The following SYTL5 variants were observed in gnomAD, a reference collection of about 807,000 sequenced individuals.
SYTL5 encodes synaptotagmin like 5.
SYTL5 carries 34 observed loss-of-function variants against 55.9 expected under a neutral mutation model. The observed-to-expected ratio is 0.61, with a 90% CI of 0.46 to 0.81. The LOEUF (loss-of-function observed/expected upper bound fraction) is 0.81. Among genes scored for constraint, SYTL5 ranks in the 30% least tolerant of loss-of-function variants. The pLI is 0.00. For missense variants in SYTL5, 637 were observed against 546.7 expected (o/e 1.17, Z -1.65); for synonymous variants, 221 against 188.7 (o/e 1.17, Z -1.40).
the SYTL5 span, among the ~76,000 whole-genome samples, chrX:37,958,618 T>G: frequency 1.8e-5 from 2 of 111,819 alleles, no homozygotes; most frequent in Non-Finnish European, 3.8e-5. Flanking sequence ...AATGTATTAA[T>G]TCCATTCCAG....
rs931849396 is a variant in SYTL5 at position 38,046,198 on chromosome X, A to G, written c.120-8015A>G. On this transcript the variant is annotated intron_variant, in intron 2 of 16. Transcript: ENST00000297875. ...GGAGATTCCACTTTCCTGTCTATAA[A>G]ATGGGAATCATAATGTATTTTTCAT... 8.9e-5 allele frequency among the ~76,000 whole-genome samples: 10 copies of G among 111,851 alleles called. No individual in the cohort carries two copies. In the South Asian group the frequency reaches 1.5e-3, roughly 17 times the overall value.
At chrX:38,109,298 T>C (rs1214897280) in intron 12 of SYTL5, among the ~76,000 whole-genome samples, 3 of 111,723 alleles carry the variant, frequency 2.7e-5, no homozygotes, top group South Asian at 3.8e-4. Context: ...CCCCTTCTCT[T>C]GCTATGGAAC....
the SYTL5 span, among the ~76,000 whole-genome samples, chrX:37,950,546 C>T: frequency 9.0e-6 from 1 of 110,908 alleles, no homozygotes; most frequent in African/African-American, 3.3e-5. Context: ...GTCTTCAGAA[C>T]CTGTACTTGG....
chrX:37,911,622 C>T, the SYTL5 span, among the ~76,000 whole-genome samples: 2 of 111,625 alleles, frequency 1.8e-5, no homozygotes, highest in African/African-American at 6.5e-5. Flanking sequence ...TTTAATCACA[C>T]AATTGTTTCT....
At chrX:38,000,570 G>GTTACAGTGTAA in the SYTL5 span, among the ~76,000 whole-genome samples, 2 of 111,878 alleles carry the variant, frequency 1.8e-5, no homozygotes, top group African/African-American at 6.5e-5. Context: ...GCCTCAGTAG[G>GTTACAGTGTAA]CATGTGTTAC....
At chrX:37,895,417 C>CTTCA in the SYTL5 span, among the ~76,000 whole-genome samples, 1 of 84,008 alleles carries the variant, frequency 1.2e-5, no homozygotes, top group African/African-American at 6.6e-5. Flanking sequence ...CTTTTCCTTC[C>CTTCA]TTCCTTCCTT....
the SYTL5 span, among the ~76,000 whole-genome samples, chrX:37,965,170 C>G: frequency 9.0e-6 from 1 of 111,161 alleles, no homozygotes; most frequent in Non-Finnish European, 1.9e-5. Context: ...TTTCGAGAAA[C>G]CTTTCATCAT....
chrX:37,966,679 G>T, the SYTL5 span, among the ~76,000 whole-genome samples: 3 of 110,680 alleles, frequency 2.7e-5, no homozygotes, highest in East Asian at 5.7e-4. Context: ...CTTGTGATCC[G>T]CCTGCCTTGG....
intron 3 of SYTL5, among the ~76,000 whole-genome samples, chrX:38,062,407 T>A (rs1935978272): frequency 8.9e-6 from 1 of 112,298 alleles, no homozygotes; most frequent in Admixed American, 9.5e-5. Context: ...ATATTTTTAT[T>A]TTTGATTGAT....
the SYTL5 span, among the ~76,000 whole-genome samples, chrX:37,897,261 G>T: frequency 9.2e-6 from 1 of 109,044 alleles, no homozygotes; most frequent in Non-Finnish European, 1.9e-5. Context: ...GAGGTGGGCA[G>T]ATCACAAGGT....
At chrX:37,931,547 G>T in the SYTL5 span, among the ~76,000 whole-genome samples, 5 of 111,208 alleles carry the variant, frequency 4.5e-5, no homozygotes, top group African/African-American at 1.3e-4. Flanking sequence ...TCAGTATCTG[G>T]AATGATACCA....
intron 2 of SYTL5, among the ~76,000 whole-genome samples, chrX:38,038,306 G>T (rs1224264623): frequency 9.0e-6 from 1 of 111,656 alleles, no homozygotes; most frequent in Non-Finnish European, 1.9e-5. Flanking sequence ...GAATTGTATA[G>T]CTCATCCTGA....
At chrX:37,943,422 C>A in the SYTL5 span, among the ~76,000 whole-genome samples, 1 of 111,073 alleles carries the variant, frequency 9.0e-6, no homozygotes, top group East Asian at 2.8e-4. Flanking sequence ...AACTCTGACT[C>A]CAATAAGGCC....
At chrX:37,940,027 G>A in the SYTL5 span, among the ~76,000 whole-genome samples, 1 of 110,248 alleles carries the variant, frequency 9.1e-6, no homozygotes, top group Non-Finnish European at 1.9e-5. Context: ...GTAGAGATGA[G>A]GTTTCACCAT....
chrX:38,060,212 A>G (rs746903726), intron 3 of SYTL5, among the ~76,000 whole-genome samples: 1 of 112,062 alleles, frequency 8.9e-6, no homozygotes, highest in East Asian at 2.8e-4. Flanking sequence ...GTTAGTACGG[A>G]TGATAACTAG....
At chrX:37,905,014 C>T in the SYTL5 span, among the ~76,000 whole-genome samples, 60 of 111,221 alleles carry the variant, frequency 5.4e-4, no homozygotes, top group Admixed American at 4.9e-3. Context: ...TTGACCTTTA[C>T]CAGAACACAC....
At chrX:37,929,262 A>G in the SYTL5 span, among the ~76,000 whole-genome samples, 1 of 111,306 alleles carries the variant, frequency 9.0e-6, no homozygotes, top group Admixed American at 9.6e-5. Context: ...GAGAGAGCAC[A>G]AGACAGAGGT....
the SYTL5 span, among the ~76,000 whole-genome samples, chrX:37,929,753 G>T: frequency 8.9e-6 from 1 of 112,060 alleles, no homozygotes; most frequent in East Asian, 2.8e-4. Context: ...CAGAAAGCTG[G>T]AATGCCAGAG....
In SYTL5 at chrX:38,122,170, T is replaced by C; in HGVS notation, c.1796T>C (p.Leu599Ser). ...LEVFIKEAKNLTAVKSGGTSD... is the reference protein window; with the variant it reads ...LEVFIKEAKNSTAVKSGGTSD... ...GTGTTCATCAAAGAGGCAAAGAATT[T>C]GACAGCAGTGAAGTCAGGAGGCACT... Residue 599 changes from leucine to serine, a missense_variant, in exon 15 of 17, where the codon TTG (leucine) becomes TCG (serine). Leu to Ser is a moderately radical substitution (Grantham distance 145, BLOSUM62 -2). Transcript: ENST00000297875. 1 of 1,209,079 alleles carries C rather than the reference T, an allele frequency of 8.3e-7. No homozygotes were observed.
Sources: allele counts gnomAD v4.1 joint callset (sites outside exome capture counted in the v4.1 genomes callset), GRCh38; gene constraint gnomAD v4.1.1; transcripts MANE v1.5; gene names NCBI Gene and HGNC (gene_info 2026-07-23, HGNC 2026-07-21).